Variants in CHD2 observed in about 807,000 individuals in gnomAD.
The protein encoded by CHD2 is chromodomain helicase DNA binding protein 2.
A neutral mutation model predicts 243.9 loss-of-function variants in CHD2; 28 were observed. The ratio of observed to expected loss-of-function variants is 0.11; its 90% confidence interval spans 0.09 to 0.16. CHD2 has a LOEUF of 0.16. Ranked by LOEUF, CHD2 falls within the 10% of genes least tolerant of loss-of-function variation. The pLI is 1.00. For synonymous variants in CHD2, 775 were observed against 779.0 expected (o/e 0.99, Z 0.09); for missense variants, 1,386 against 2,209.8 (o/e 0.63, Z 7.47).
Position 92,997,640 on chromosome 15 carries a change from G to A in CHD2, c.3885+237G>A, listed in dbSNP as rs964942217. ...ACTGTAGGAGAAATCTTAAAATTCT[G>A]GTATTTAATTATAGGTCAGATTTCA... On this transcript the variant is annotated intron_variant, in intron 30 of 38. Transcript: ENST00000394196. This position sits in a 1 kb window ranked among gnomAD's most constrained non-coding sequence, Gnocchi z 4.1. 1.2e-5 allele frequency: 4 copies of A among 330,580 alleles called. No individual in the cohort carries two copies. The highest frequency in any genetic ancestry group is 1.6e-5 in the Non-Finnish European group (3 of 184,318). The allele number at this position is 330,580 out of a possible 1,614,324, so 20.5% of individuals were successfully genotyped here. A position where few individuals can be genotyped will look rare whatever the true frequency, so the allele number is the denominator to read the frequency against.
Position 92,985,682 on chromosome 15 carries a change from A to C in CHD2, c.3413+9A>C, listed in dbSNP as rs1233220601. ...GATGCAGAGATCCGAAGGTTGGTGG[A>C]GGCTCTGTTCTCACTGAGCTTGTTT... is the stretch of plus-strand genomic sequence containing the variant. On this transcript the variant is annotated intron_variant, in intron 26 of 38. Coordinates refer to ENST00000394196, the MANE Select transcript of CHD2 (RefSeq NM_001271.4). 12 of 1,607,002 alleles carry C rather than the reference A, an allele frequency of 7.5e-6. No individual in the cohort carries two copies. Among genetic ancestry groups the C allele is most frequent in the Non-Finnish European group, 9.3e-6 (11 of 1,178,222 alleles).
intron 13 of CHD2, among the ~76,000 whole-genome samples, chr15:92,951,591 A>G (rs2053555255): frequency 6.6e-6 from 1 of 152,240 alleles, no homozygotes; most frequent in Admixed American, 6.5e-5. Context: ...GTCTGGTTCC[A>G]GAAAAACAGG....
chr15:92,996,276 C>T (rs994270713), intron 28 of CHD2, among the ~76,000 whole-genome samples: 4 of 151,326 alleles, frequency 2.6e-5, no homozygotes, highest in African/African-American at 9.7e-5. Flanking sequence ...TCTCCTGCCT[C>T]AGCCTCACGA....
intron 18 of CHD2, 106 bp downstream of exon 18, chr15:92,972,033 C>G (rs2141835926): frequency 1.6e-6 from 2 of 1,248,628 alleles, no homozygotes; most frequent in South Asian, 1.6e-5. Flanking sequence ...CAAGGATCAT[C>G]AAAGGAAGCT....
At chr15:92,909,293 G>GT (rs1443875453) in intron 2 of CHD2, among the ~76,000 whole-genome samples, 1 of 152,066 alleles carries the variant, frequency 6.6e-6, no homozygotes, top group African/African-American at 2.4e-5. Flanking sequence ...TTGGAATGCA[G>GT]TTACATTCCA....
Position 93,026,757 on chromosome 15 carries a change from A to G in CHD2, c.*2052A>G, listed in dbSNP as rs747290302. On this transcript the variant is annotated 3_prime_UTR_variant, in exon 39 of 39. Coordinates refer to ENST00000394196, the MANE Select transcript of CHD2 (RefSeq NM_001271.4). ...CCCATGATTGCCTTGCCCAAGCCAA[A>G]GAGGAAGGTTAGGTTGGCTTGTCGA... The G allele has an allele frequency of 6.6e-6, 1 of 152,314 alleles. No homozygotes were observed. Among genetic ancestry groups the G allele is most frequent in the Non-Finnish European group, 1.5e-5 (1 of 68,110 alleles). 9.4% of individuals were successfully genotyped at this position (152,314 alleles called of 1,614,324 possible).
At position 93,024,982 on chromosome 15, in the gene CHD2, G is replaced by A; in HGVS notation, c.*277G>A. 1 of 406,902 alleles carries A rather than the reference G, an allele frequency of 2.5e-6. No individual in the cohort carries two copies. 25.2% of individuals were successfully genotyped at this position (406,902 alleles called of 1,614,324 possible). On this transcript the variant is annotated 3_prime_UTR_variant, in exon 39 of 39. Coordinates refer to ENST00000394196, the MANE Select transcript of CHD2 (RefSeq NM_001271.4). Reference sequence around the variant, plus strand: ...CACTTGGAGGAGGAGCTGACTGTGTGTGTACCAGCTTCACTGGGATGTGTT... The same window carrying A: ...CACTTGGAGGAGGAGCTGACTGTGTATGTACCAGCTTCACTGGGATGTGTT...
intron 16 of CHD2, among the ~76,000 whole-genome samples, chr15:92,960,865 C>T (rs956658990): frequency 2.0e-5 from 3 of 151,852 alleles, no homozygotes; most frequent in Admixed American, 6.6e-5. Context: ...CAAGCATGCA[C>T]CACCATGCCC....
At chr15:93,003,025 C>T (rs1475959987) in intron 33 of CHD2, among the ~76,000 whole-genome samples, 1 of 152,070 alleles carries the variant, frequency 6.6e-6, no homozygotes, top group African/African-American at 2.4e-5. Flanking sequence ...GTTTTTCCTC[C>T]TCACTTAGCA....
intron 5 of CHD2, among the ~76,000 whole-genome samples, chr15:92,933,351 G>A (rs2053209367): frequency 6.6e-6 from 1 of 152,192 alleles, no homozygotes; most frequent in Admixed American, 6.5e-5. Flanking sequence ...ATTTGGTAAT[G>A]CTGGCTTATG....
chr15:92,925,894 T>G (rs1211592190), intron 3 of CHD2, among the ~76,000 whole-genome samples: 2 of 152,256 alleles, frequency 1.3e-5, no homozygotes, highest in African/African-American at 4.8e-5. Flanking sequence ...TTTCTTCAGC[T>G]TACTTCATCA....
In CHD2 at chr15:92,906,775, A is replaced by C. The variant is rs2052630974; in HGVS notation, c.62+5476A>C. ...TTTCTTGATATGGTGTCACTTGAAC[A>C]AAGAAACTTAAAAAAAAATTCCTCT... On this transcript the variant is annotated intron_variant, in intron 2 of 38. Coordinates refer to ENST00000394196, the MANE Select transcript of CHD2 (RefSeq NM_001271.4). 3.3e-5 allele frequency among the ~76,000 whole-genome samples: 5 copies of C among 152,024 alleles called. No homozygotes were observed. In the South Asian group the frequency reaches 1.0e-3, roughly 32 times the overall value.
chr15:93,021,511 T>A (rs543246425), intron 38 of CHD2: 2 of 152,334 alleles, frequency 1.3e-5, no homozygotes. Context: ...TTAGCTTGCT[T>A]GAAGTTGTCT....
chr15:93,015,786 T>A (rs1241950891), intron 37 of CHD2, among the ~76,000 whole-genome samples: 1 of 152,088 alleles, frequency 6.6e-6, no homozygotes, highest in Non-Finnish European at 1.5e-5. Context: ...ATCAGGGAAA[T>A]GCAAATTAAA....
rs199670886 is a variant in CHD2 at position 92,924,442 on chromosome 15, A to C, written c.184A>C (p.Ser62Arg). The change falls in exon 3 of 39, where the codon AGT becomes CGT. Residue 62 changes from serine to arginine, a missense_variant. Physicochemically the swap from Ser to Arg is moderately radical, Grantham distance 110. Around this residue, in one of 19 missense-constraint regions of CHD2, gnomAD observed 89 missense variants for 102.4 expected, o/e 0.87. Coordinates refer to ENST00000394196, the MANE Select transcript of CHD2 (RefSeq NM_001271.4). Reference protein sequence around the residue: ...ESNSSSESSESQSESESESAG... With the variant: ...ESNSSSESSERQSESESESAG... ...GAACAGCAGCTCTGAATCTTCTGAG[A>C]GTCAGTCGGAATCTGAGAGCGAATC... The C allele has an allele frequency of 3.7e-6, 6 of 1,614,038 alleles. No homozygotes were observed. In the African/African-American group the frequency reaches 4.0e-5, roughly 11 times the overall value.
chr15:92,905,008 G>A (rs1194170517), intron 2 of CHD2: 1 of 1,535,646 alleles, frequency 6.5e-7, no homozygotes, highest in Admixed American at 2.0e-5. Flanking sequence ...GAAAAACTCA[G>A]GTCAGTATGT....
chr15:92,973,858 T>G (rs187048206), intron 19 of CHD2: 2 of 152,330 alleles, frequency 1.3e-5, no homozygotes, highest in East Asian at 3.9e-4. Context: ...TTTTCTGATT[T>G]CAAGTAAAGG....
In CHD2 at chr15:92,967,475, C is replaced by T; in HGVS notation, c.2151C>T (p.Leu717=). The change falls in exon 17 of 39, where the codon CTC becomes CTT. Residue 717 remains leucine, a synonymous_variant. Coordinates refer to ENST00000394196, the MANE Select transcript of CHD2 (RefSeq NM_001271.4). Reference sequence around the variant, plus strand: ...TTCCTGCTAAAGTGGAACAGATTCTCAGGGTGGAGATGTCAGCCCTTCAGA... The same window carrying T: ...TTCCTGCTAAAGTGGAACAGATTCTTAGGGTGGAGATGTCAGCCCTTCAGA... ...KSLPAKVEQI[L]RVEMSALQKQ... is the part of the protein sequence containing the mutation. 6.2e-7 allele frequency: 1 copy of T among 1,613,892 alleles called. No individual in the cohort carries two copies. Among genetic ancestry groups the T allele is most frequent in the Non-Finnish European group, 8.5e-7 (1 of 1,179,926 alleles).
chr15:92,918,802 T>C (rs1233090869), intron 2 of CHD2, among the ~76,000 whole-genome samples: 3 of 151,516 alleles, frequency 2.0e-5, no homozygotes, highest in Admixed American at 6.6e-5. Flanking sequence ...ACGCTATATA[T>C]ACACACATAT....
Sources: allele counts gnomAD v4.1 joint callset (sites outside exome capture counted in the v4.1 genomes callset), GRCh38; gene constraint gnomAD v4.1.1; regional missense constraint gnomAD v4.1.1; non-coding constraint Gnocchi (gnomAD v3.1); transcripts MANE v1.5; gene names NCBI Gene and HGNC (gene_info 2026-07-23, HGNC 2026-07-21).